Variants in CRK observed in about 807,000 individuals in gnomAD.
CRK encodes CRK proto-oncogene, adaptor protein.
CRK carries 4 observed loss-of-function variants against 29.8 expected under a neutral mutation model. The observed-to-expected ratio is 0.13, with a 90% CI of 0.07 to 0.31. The LOEUF is 0.31. Ranked by LOEUF, CRK falls within the 10% of genes least tolerant of loss-of-function variation. The pLI, the probability that CRK is intolerant of heterozygous loss-of-function variation, is 1.00. For missense variants in CRK, 274 were observed against 396.5 expected (o/e 0.69, Z 2.62); for synonymous variants, 153 against 164.9 (o/e 0.93, Z 0.55).
At chr17:1,445,610 G>A (rs1176183197) in intron 1 of CRK, among the ~76,000 whole-genome samples, 1 of 152,204 alleles carries the variant, frequency 6.6e-6, no homozygotes, top group Non-Finnish European at 1.5e-5. Flanking sequence ...ATTCAAGTCT[G>A]GTAGTCAAGG....
At chr17:1,436,586 G>T in intron 2 of CRK, 34 bp downstream of exon 2, 1 of 1,561,794 alleles carries the variant, frequency 6.4e-7, no homozygotes, top group Non-Finnish European at 8.6e-7. Context: ...CCCTGCAGCA[G>T]ATCTCTTCTT....
At chr17:1,449,433 T>G (rs2074001661) in intron 1 of CRK, among the ~76,000 whole-genome samples, 2 of 152,206 alleles carry the variant, frequency 1.3e-5, no homozygotes, top group Admixed American at 1.3e-4. Flanking sequence ...TATGGAGTAC[T>G]TAGTATGCCA....
intron 2 of CRK, among the ~76,000 whole-genome samples, chr17:1,431,884 TG>T (rs2073847820): frequency 6.6e-6 from 1 of 152,222 alleles, no homozygotes; most frequent in South Asian, 2.1e-4. Flanking sequence ...AATCAGTGAA[TG>T]TAGTAATAAC....
chr17:1,427,250 T>C (rs141463388), intron 2 of CRK, among the ~76,000 whole-genome samples: 4 of 144,890 alleles, frequency 2.8e-5, no homozygotes, highest in South Asian at 2.2e-4. Flanking sequence ...AGTGCACCAC[T>C]GCACCCCACC....
At chr17:1,454,719 C>T (rs757730712) in intron 1 of CRK, among the ~76,000 whole-genome samples, 2 of 152,172 alleles carry the variant, frequency 1.3e-5, no homozygotes, top group Non-Finnish European at 2.9e-5. Context: ...TTCGACTTGG[C>T]AACAGCGTGA....
intron 1 of CRK, among the ~76,000 whole-genome samples, chr17:1,444,579 C>T (rs924555470): frequency 3.3e-4 from 36 of 109,330 alleles, no homozygotes; most frequent in Non-Finnish European, 6.0e-4. Context: ...AATCCCAGCA[C>T]TTTGGGAAGC....
intron 2 of CRK, among the ~76,000 whole-genome samples, chr17:1,424,298 C>G (rs2073755691): frequency 6.6e-6 from 1 of 152,112 alleles, no homozygotes. Context: ...AACTCCTGAC[C>G]TTGTGATCCA....
chr17:1,442,606 CT>C (rs33970272), intron 1 of CRK, among the ~76,000 whole-genome samples: 124 of 121,100 alleles, frequency 1.0e-3, no homozygotes, highest in African/African-American at 1.6e-3. Flanking sequence ...GTGAAAGGGT[CT>C]TTTTTTTTTT....
chr17:1,444,001 A>T (rs1190434168), intron 1 of CRK, among the ~76,000 whole-genome samples: 19 of 139,530 alleles, frequency 1.4e-4, no homozygotes, highest in Admixed American at 9.3e-4. Context: ...CGCCTGGCCT[A>T]TTTTTTTTTT....
Position 1,438,122 on chromosome 17 carries a change from C to T in CRK, c.242-967G>A, listed in dbSNP as rs1232261875. Among the ~76,000 whole-genome samples the T allele has an allele frequency of 5.9e-5, 9 of 151,906 alleles. No individual in the cohort carries two copies. The East Asian group carries it at 9.7e-4, about 16-fold the overall frequency. On this transcript the variant is annotated intron_variant, in intron 1 of 2. Transcript: ENST00000300574. Reference sequence around the variant, plus strand: ...TATAATTCCGAAGAAGAAAAACTATCTCTTGTTGTGGTTTTCGTTGTTTTT... The same window carrying T: ...TATAATTCCGAAGAAGAAAAACTATTTCTTGTTGTGGTTTTCGTTGTTTTT...
intron 1 of CRK, among the ~76,000 whole-genome samples, chr17:1,442,050 T>C (rs2073939482): frequency 1.3e-5 from 2 of 151,880 alleles, no homozygotes; most frequent in Non-Finnish European, 2.9e-5. Flanking sequence ...AGAGACAGGG[T>C]TTCACCATGT....
At position 1,456,088 on chromosome 17, in the gene CRK, C is replaced by T; in HGVS notation, c.30G>A (p.Arg10=). MAGNFDSEE[R]SSWYWGRLSR... is the part of the protein sequence containing the mutation. ...TCAACCTCCCCCAGTACCAGCTACT[C>T]CGCTCCTCCGAGTCGAAGTTGCCCG... The change falls in exon 1 of 3, where the codon CGG becomes CGA. Residue 10 remains arginine (R), a synonymous_variant. Coordinates refer to ENST00000300574, the MANE Select transcript of CRK (RefSeq NM_016823.4). 6.4e-7 allele frequency: 1 copy of T among 1,562,264 alleles called. No individual in the cohort carries two copies. Among genetic ancestry groups the T allele is most frequent in the Non-Finnish European group, 8.6e-7 (1 of 1,157,716 alleles).
At chr17:1,442,608 T>TC (rs2073943871) in intron 1 of CRK, among the ~76,000 whole-genome samples, 1 of 144,798 alleles carries the variant, frequency 6.9e-6, no homozygotes. Context: ...GAAAGGGTCT[T>TC]TTTTTTTTTT....
At chr17:1,436,405 A>C (rs1449193590) in intron 2 of CRK, among the ~76,000 whole-genome samples, 2 of 152,190 alleles carry the variant, frequency 1.3e-5, no homozygotes, top group Non-Finnish European at 2.9e-5. Context: ...TAGATCAATT[A>C]AGAACATTCA....
chr17:1,438,962 T>C (rs1215806129), intron 1 of CRK, among the ~76,000 whole-genome samples: 1 of 151,860 alleles, frequency 6.6e-6, no homozygotes, highest in Non-Finnish European at 1.5e-5. Context: ...GCCTCACGAA[T>C]AGCTTCAAAT....
chr17:1,421,305 G>A lies in CRK; in HGVS notation c.*2208C>T, dbSNP rs1182924250. ...TCAAAGTCAAAGGAAAAGAAAATAGGAACATTCAAATCAGTTGTGACAAGG... is the reference window on the plus strand; with the variant it reads ...TCAAAGTCAAAGGAAAAGAAAATAGAAACATTCAAATCAGTTGTGACAAGG... On this transcript the variant is annotated 3_prime_UTR_variant, in exon 3 of 3. Transcript: ENST00000300574. 2 of 152,080 alleles carry A rather than the reference G, an allele frequency of 1.3e-5. No individual in the cohort carries two copies. Among genetic ancestry groups the A allele is most frequent in the African/African-American group, 2.4e-5 (1 of 41,420 alleles). 9.4% of individuals were successfully genotyped at this position (152,080 alleles called of 1,614,324 possible).
chr17:1,455,987 G>A lies in CRK; in HGVS notation c.131C>T (p.Pro44Leu). The A allele has an allele frequency of 1.2e-6, 2 of 1,601,262 alleles. No individual in the cohort carries two copies. The highest frequency in any genetic ancestry group is 1.7e-6 in the Non-Finnish European group (2 of 1,175,374). The change falls in exon 1 of 3, where the codon CCC becomes CTC. Residue 44 changes from proline to leucine, a missense_variant. By Grantham distance (98) the Pro-to-Leu change is moderately conservative. This residue lies in a region of CRK where 135 missense variants were observed against 180.9 expected (regional missense o/e 0.75). Coordinates refer to ENST00000300574, the MANE Select transcript of CRK (RefSeq NM_016823.4). Reference sequence around the variant, plus strand: ...TGAGACGCTGAGCACATAGTCCCCGGGGCTGGTGCTCGAGTCCCGCACCAG... The same window carrying A: ...TGAGACGCTGAGCACATAGTCCCCGAGGCTGGTGCTCGAGTCCCGCACCAG... Reference protein sequence around the residue: ...VFLVRDSSTSPGDYVLSVSEN... With the variant: ...VFLVRDSSTSLGDYVLSVSEN...
intron 2 of CRK, among the ~76,000 whole-genome samples, chr17:1,428,067 C>T (rs1211767763): frequency 6.6e-6 from 1 of 151,402 alleles, no homozygotes; most frequent in Non-Finnish European, 1.5e-5. Flanking sequence ...ACCAATTTCT[C>T]AAAATGTGGG....
intron 2 of CRK, among the ~76,000 whole-genome samples, chr17:1,425,181 C>G (rs1237104663): frequency 6.6e-6 from 1 of 151,642 alleles, no homozygotes; most frequent in Non-Finnish European, 1.5e-5. Flanking sequence ...GCTCTGCCTC[C>G]CGGGTTCACG....
Sources: gnomAD v4.1 joint callset for allele counts (sites outside exome capture counted in the v4.1 genomes callset) on GRCh38, gnomAD v4.1.1 for gene constraint, gnomAD v4.1.1 regional missense constraint, MANE v1.5 for transcripts, NCBI Gene and HGNC (gene_info 2026-07-23, HGNC 2026-07-21) for gene names.